Variants in SCRIB observed in about 807,000 individuals in gnomAD.
SCRIB encodes the protein protein scribble homolog.
SCRIB carries 72 observed loss-of-function variants against 170.0 expected under a neutral mutation model. The observed-to-expected ratio is 0.42, with a 90% CI of 0.35 to 0.52. The LOEUF is 0.52. Ranked by LOEUF, SCRIB falls within the 20% of genes least tolerant of loss-of-function variation. The pLI is 0.02. For missense variants in SCRIB, 2,475 were observed against 2,338.5 expected, an observed-to-expected ratio of 1.06 and a Z score of -1.20; for synonymous variants, 1,298 against 1,044.3, an observed-to-expected ratio of 1.24 and a Z score of -4.68.
chr8:143,805,602 G>A (rs7844493), intron 18 of SCRIB, among the ~76,000 whole-genome samples, 167 bp from the exon 19 acceptor site: 121,529 of 152,048 alleles, frequency 0.8, 49,133 homozygotes, highest in Non-Finnish European at 0.87. Context: ...AAGGTTCCTC[G>A]TGGGCACCGA....
intron 24 of SCRIB, among the ~76,000 whole-genome samples, chr8:143,801,709 G>T (rs1554635013): frequency 6.6e-6 from 1 of 152,212 alleles, no homozygotes; most frequent in Non-Finnish European, 1.5e-5. Context: ...ATGGGAAAGA[G>T]GTAGCAGTGA....
intron 16 of SCRIB, 26 bp from the exon 17 acceptor site, chr8:143,807,039 T>C: frequency 5.2e-6 from 8 of 1,549,682 alleles, no homozygotes; most frequent in Non-Finnish European, 7.1e-6. Flanking sequence ...ACAGGGTGTC[T>C]AGAAGGGCCG....
At chr8:143,793,140 G>T in intron 28 of SCRIB, 57 bp from the exon 29 acceptor site, 1 of 994,816 alleles carries the variant, frequency 1.0e-6, no homozygotes, top group Non-Finnish European at 1.4e-6. Context: ...CTGCAGCTGT[G>T]TGCAACTCAC....
intron 26 of SCRIB, 50 bp from the exon 27 acceptor site, chr8:143,795,162 C>A (rs782216734): frequency 2.5e-6 from 4 of 1,602,046 alleles, no homozygotes; most frequent in South Asian, 2.2e-5. Context: ...CGTGGCAGCA[C>A]CCGGCCAGCA....
chr8:143,809,430 C>T (rs1043977088), intron 14 of SCRIB, 121 bp downstream of exon 14: 33 of 1,168,596 alleles, frequency 2.8e-5, no homozygotes, highest in Admixed American at 1.6e-4. Context: ...GGCAGCTCCC[C>T]GAAGCATCAG....
intron 24 of SCRIB, among the ~76,000 whole-genome samples, chr8:143,801,767 C>T (rs1330678095): frequency 6.6e-6 from 1 of 152,178 alleles, no homozygotes; most frequent in Non-Finnish European, 1.5e-5. Flanking sequence ...TGCTCGGGAC[C>T]CCTGGCTTGC....
chr8:143,793,004 G>A lies in SCRIB; in HGVS notation c.3989C>T (p.Ser1330Phe), dbSNP rs782354809. The stretch of plus-strand genomic sequence containing the variant: ...GGCAGGGGCATCCTCAGGCGGGTGA[G>A]AAGTGGGCACGGCCGCGAAGGCCCT... ...AYRAFAAVPT[S>F]HPPEDAPAQP... Residue 1330 changes from serine to phenylalanine, a missense_variant, in exon 29 of 37, where the codon TCT becomes TTT. Physicochemically the swap from Ser to Phe is radical, Grantham distance 155 (BLOSUM62 -2). This residue lies in a region of SCRIB where 1,966 missense variants were observed against 1,742.9 expected (regional missense o/e 1.13). Coordinates refer to ENST00000356994, the MANE Select transcript of SCRIB (RefSeq NM_182706.5). 7.3e-6 allele frequency: 11 copies of A among 1,516,730 alleles called. No individual in the cohort carries two copies. Among genetic ancestry groups the A allele is most frequent in the South Asian group, 3.8e-5 (3 of 79,292 alleles). The allele number at this position is 1,516,730 out of a possible 1,614,324, so 94.0% of individuals were successfully genotyped here.
intron 1 of SCRIB, 155 bp downstream of exon 1, chr8:143,815,059 A>G (rs1019727515): frequency 2.4e-6 from 2 of 846,072 alleles, no homozygotes; most frequent in Non-Finnish European, 3.3e-6. Flanking sequence ...GGCGGCTGGA[A>G]GAGAAGGGTG....
At chr8:143,803,275 G>A in intron 24 of SCRIB, 108 bp downstream of exon 24, 1 of 1,109,182 alleles carries the variant, frequency 9.0e-7, no homozygotes, top group Non-Finnish European at 1.2e-6. Flanking sequence ...GCACCGCCCA[G>A]ACCCAGAGGC....
chr8:143,790,962 A>G lies in SCRIB; in HGVS notation c.*201T>C. Reference sequence around the variant, plus strand: ...AACTTTATTCTCCTTAAACCACAAAATAGAGTCTTTGGTTGTACAAACATC... The same window carrying G: ...AACTTTATTCTCCTTAAACCACAAAGTAGAGTCTTTGGTTGTACAAACATC... On this transcript the variant is annotated 3_prime_UTR_variant, in exon 37 of 37. Coordinates refer to ENST00000356994, the MANE Select transcript of SCRIB (RefSeq NM_182706.5). The G allele has an allele frequency of 2.1e-6, 1 of 479,648 alleles. No homozygotes were observed. Among genetic ancestry groups the G allele is most frequent in the Non-Finnish European group, 3.4e-6 (1 of 296,062 alleles). 29.7% of individuals were successfully genotyped at this position (479,648 alleles called of 1,614,324 possible).
chr8:143,793,433 CAGAGAG>C (rs782178689), intron 28 of SCRIB: 4 of 301,174 alleles, frequency 1.3e-5, no homozygotes, highest in Non-Finnish European at 2.5e-5. Context: ...GTGGGAGAGA[CAGAGAG>C]AGAGAGACCG....
Position 143,811,246 on chromosome 8 carries a change from C to T in SCRIB, c.1006G>A (p.Ala336Thr). 1 of 1,611,270 alleles carries T rather than the reference C, an allele frequency of 6.2e-7. No individual in the cohort carries two copies. Among genetic ancestry groups the T allele is most frequent in the Non-Finnish European group, 8.5e-7 (1 of 1,179,292 alleles). The change falls in exon 10 of 37, where the codon GCA (alanine) becomes ACA (threonine). Residue 336 changes from alanine to threonine, a missense_variant. Around this residue, in one of 3 missense-constraint regions of SCRIB, gnomAD observed 487 missense variants for 558.1 expected, o/e 0.87. Transcript: ENST00000356994. ...ALPPEIGGCVALSVLSLRDNR... is the reference protein window; with the variant it reads ...ALPPEIGGCVTLSVLSLRDNR... ...TCCCTCAAGGAGAGGACGCTGAGTG[C>T]CACACAGCCCCCGATCTCGGGCGGC...
rs556983754 is a variant in SCRIB, at chr8:143,804,915, G to C, written c.2751+19C>G. ...GCAGGGGGGATGGGTGGGTGGGGCG[G>C]GGCCCCATCCCCACTCACAGAGAGG... On this transcript the variant is annotated intron_variant, in intron 20 of 36. Coordinates refer to ENST00000356994, the MANE Select transcript of SCRIB (RefSeq NM_182706.5). 9 of 1,534,920 alleles carry C rather than the reference G, an allele frequency of 5.9e-6. No homozygotes were observed. In the African/African-American group the frequency reaches 1.1e-4, roughly 19 times the overall value.
Position 143,793,013 on chromosome 8 carries a change from A to T in SCRIB, c.3980T>A (p.Val1327Glu). ...ATCCTCAGGCGGGTGAGAAGTGGGC[A>T]CGGCCGCGAAGGCCCTGTAGGCCTG... ...VKQAYRAFAA[V>E]PTSHPPEDAP... Residue 1327 changes from valine to glutamate, a missense_variant, in exon 29 of 37, where the codon GTG (valine) becomes GAG (glutamate). This residue lies in a region of SCRIB where 1,966 missense variants were observed against 1,742.9 expected (regional missense o/e 1.13). Transcript: ENST00000356994. 1 of 1,513,748 alleles carries T rather than the reference A, an allele frequency of 6.6e-7. No individual in the cohort carries two copies. The highest frequency in any genetic ancestry group is 2.5e-5 in the East Asian group (1 of 40,582). The allele number at this position is 1,513,748 out of a possible 1,614,324, so 93.8% of individuals were successfully genotyped here. A position where few individuals can be genotyped will look rare whatever the true frequency, so the allele number is the denominator to read the frequency against.
intron 1 of SCRIB, 55 bp from the exon 2 acceptor site, chr8:143,814,173 G>A: frequency 5.0e-6 from 7 of 1,410,558 alleles, no homozygotes; most frequent in South Asian, 3.7e-5. Flanking sequence ...GAGCAGAGAA[G>A]AGCTCCTGGA....
chr8:143,792,666 C>G (rs1554633185), intron 30 of SCRIB, 31 bp from the exon 31 acceptor site: 17 of 1,591,094 alleles, frequency 1.1e-5, no homozygotes, highest in Non-Finnish European at 1.4e-5. Context: ...TCAGGCCAGA[C>G]CAGCCGAGAC....
intron 24 of SCRIB, among the ~76,000 whole-genome samples, chr8:143,802,709 G>A (rs980940491): frequency 2.6e-5 from 4 of 152,256 alleles, no homozygotes; most frequent in African/African-American, 7.2e-5. Context: ...GGAAGAAGAC[G>A]GAAGGGAGAT....
rs781791746 is a variant in SCRIB at position 143,792,307 on chromosome 8, G to A, written c.4427C>T (p.Pro1476Leu). Reference sequence around the variant, plus strand: ...GGCACGCTCGGGTGCCGGTGGCTCCGGACTCTGCACGCGCAGCCGCTCCTG... The same window carrying A: ...GGCACGCTCGGGTGCCGGTGGCTCCAGACTCTGCACGCGCAGCCGCTCCTG... ...RHQERLRVQS[P>L]EPPAPERALS... The change falls in exon 32 of 37, where the codon CCG (proline) becomes CTG (leucine). Residue 1476 changes from proline to leucine, a missense_variant. Pro to Leu is a moderately conservative substitution (Grantham distance 98). This residue lies in a region of SCRIB where 1,966 missense variants were observed against 1,742.9 expected (regional missense o/e 1.13). Transcript: ENST00000356994. 5.1e-5 allele frequency: 80 copies of A among 1,557,546 alleles called. No individual in the cohort carries two copies. Among genetic ancestry groups the A allele is most frequent in the Middle Eastern group, 1.7e-4 (1 of 5,734 alleles).
At position 143,810,379 on chromosome 8, in the gene SCRIB, C is replaced by T. The variant is rs950849203; in HGVS notation, c.1530+100G>A. On this transcript the variant is annotated intron_variant, in intron 13 of 36. Transcript: ENST00000356994. ...ACCAGCCTCATCTCCTGCTCCTTCT[C>T]TGTGCTGCCCTGGCCCTCACAGCCC... 5 of 1,498,580 alleles carry T rather than the reference C, an allele frequency of 3.3e-6. No individual in the cohort carries two copies. The South Asian group carries it at 4.9e-5, about 15-fold the overall frequency. The allele number at this position is 1,498,580 out of a possible 1,614,324, so 92.8% of individuals were successfully genotyped here. A position where few individuals can be genotyped will look rare whatever the true frequency, so the allele number is the denominator to read the frequency against.
Sources: gnomAD v4.1 joint callset for allele counts (sites outside exome capture counted in the v4.1 genomes callset) on GRCh38, gnomAD v4.1.1 for gene constraint, gnomAD v4.1.1 regional missense constraint, MANE v1.5 for transcripts, NCBI Gene and HGNC (gene_info 2026-07-23, HGNC 2026-07-21) for gene names.